TFAM: variants seen among roughly 807,000 people sequenced by gnomAD.
The protein encoded by TFAM is transcription factor A, mitochondrial.
Under a neutral mutation model 30.6 loss-of-function variants are expected in TFAM, and 13 were observed. That is an observed-to-expected ratio of 0.42 (90% CI 0.28 to 0.67). The LOEUF is 0.67. Among genes scored for constraint, TFAM ranks in the 30% least tolerant of loss-of-function variants. The pLI, the probability that TFAM is intolerant of heterozygous loss-of-function variation, is 0.21. For synonymous variants in TFAM, 106 were observed against 94.8 expected (o/e 1.12, Z -0.69); for missense variants, 231 against 293.7 (o/e 0.79, Z 1.56).
Position 58,385,446 on chromosome 10 carries a change from C to T in TFAM, c.-102C>T, listed in dbSNP as rs1407932368. 9.3e-6 allele frequency: 8 copies of T among 856,946 alleles called. No homozygotes were observed. Among genetic ancestry groups the T allele is most frequent in the Non-Finnish European group, 1.5e-5 (8 of 525,040 alleles). 53.1% of individuals were successfully genotyped at this position (856,946 alleles called of 1,614,324 possible). The stretch of plus-strand genomic sequence containing the variant: ...CTAGTGGCGGGCATGATAACACACG[C>T]CGGAGGGTCGCACGCGGGTTCCAGT... On this transcript the variant is annotated 5_prime_UTR_variant, in exon 1 of 7. Coordinates refer to ENST00000487519, the MANE Select transcript of TFAM (RefSeq NM_003201.3).
chr10:58,389,090 C>T (rs1016156421), intron 4 of TFAM, among the ~76,000 whole-genome samples: 2 of 152,180 alleles, frequency 1.3e-5, no homozygotes, highest in African/African-American at 2.4e-5. Flanking sequence ...ATGGAAACTA[C>T]AGGAACAGAG....
At position 58,395,101 on chromosome 10, in the gene TFAM, A is replaced by G; in HGVS notation, c.*27A>G. ...AGTAGAAGATTGAGATGTGTTCACA[A>G]TGGATAGGCACAGGAAACCAGTTAG... On this transcript the variant is annotated 3_prime_UTR_variant, in exon 7 of 7. Coordinates refer to ENST00000487519, the MANE Select transcript of TFAM (RefSeq NM_003201.3). 2 of 1,611,516 alleles carry G rather than the reference A, an allele frequency of 1.2e-6. No homozygotes were observed. The highest frequency in any genetic ancestry group is 8.5e-7 in the Non-Finnish European group (1 of 1,178,200).
intron 1 of TFAM, 142 bp downstream of exon 1, chr10:58,385,790 A>G (rs1202216087): frequency 1.4e-6 from 1 of 724,922 alleles, no homozygotes; most frequent in Non-Finnish European, 2.4e-6. Context: ...GACCTTGCCA[A>G]GGGGACGGTG....
intron 5 of TFAM, among the ~76,000 whole-genome samples, chr10:58,391,271 T>C (rs948628054): frequency 6.6e-6 from 1 of 152,150 alleles, no homozygotes; most frequent in Admixed American, 6.5e-5. Flanking sequence ...GTTATACCCA[T>C]AGGGATGTGT....
intron 2 of TFAM, among the ~76,000 whole-genome samples, chr10:58,387,493 C>G (rs187325978): frequency 6.6e-6 from 1 of 152,092 alleles, no homozygotes; most frequent in Admixed American, 6.5e-5. Flanking sequence ...TATTGAAATA[C>G]GAGGCTGTGT....
intron 5 of TFAM, among the ~76,000 whole-genome samples, chr10:58,392,682 C>T (rs1357268846): frequency 6.6e-6 from 1 of 150,680 alleles, no homozygotes; most frequent in East Asian, 1.9e-4. Flanking sequence ...GAAATTTAAC[C>T]TCTTTTTTTT....
At chr10:58,388,908 A>C in intron 4 of TFAM, 89 bp downstream of exon 4, 1 of 1,172,138 alleles carries the variant, frequency 8.5e-7, no homozygotes, top group East Asian at 2.4e-5. Context: ...TAATAGGCAA[A>C]TAAAATATGG....
intron 5 of TFAM, among the ~76,000 whole-genome samples, chr10:58,391,583 A>C (rs1327649593): frequency 6.6e-6 from 1 of 151,922 alleles, no homozygotes; most frequent in Non-Finnish European, 1.5e-5. Context: ...TTTTTTTTCA[A>C]CTTTAATCAT....
At position 58,395,464 on chromosome 10, in the gene TFAM, C is replaced by T. The variant is rs1024861531; in HGVS notation, c.*390C>T. On this transcript the variant is annotated 3_prime_UTR_variant, in exon 7 of 7. Coordinates refer to ENST00000487519, the MANE Select transcript of TFAM (RefSeq NM_003201.3). ...AAATTGTTACAAATTGTAGAAGCCA[C>T]GGTGTTCTGTGATATAAGTGTGTGT... 6.8e-5 allele frequency: 20 copies of T among 292,068 alleles called. No homozygotes were observed. The highest frequency in any genetic ancestry group is 1.0e-3 in the Middle Eastern group (1 of 966). 18.1% of individuals were successfully genotyped at this position (292,068 alleles called of 1,614,324 possible). A position where few individuals can be genotyped will look rare whatever the true frequency, so the allele number is the denominator to read the frequency against.
Position 58,394,925 on chromosome 10 carries a change from C to T in TFAM, c.595-3C>T. The T allele has an allele frequency of 6.2e-7, 1 of 1,611,086 alleles. No individual in the cohort carries two copies. The highest frequency in any genetic ancestry group is 8.5e-7 in the Non-Finnish European group (1 of 1,178,282). On this transcript the variant is annotated splice_polypyrimidine_tract_variant and splice_region_variant and intron_variant, in intron 6 of 6. Transcript: ENST00000487519. ...TCATTTTAACAGTTATGCTTTTTCT[C>T]AGTTATATATTCAGCATGCTAAAGA...
intron 4 of TFAM, 129 bp from the exon 5 acceptor site, chr10:58,390,634 CTA>C: frequency 1.4e-6 from 1 of 724,602 alleles, no homozygotes; most frequent in South Asian, 1.7e-5. Flanking sequence ...AATAATCACA[CTA>C]TATAAGAATC....
Position 58,389,497 on chromosome 10 carries a change from A to G in TFAM, c.441+678A>G, listed in dbSNP as rs115052032. Among the ~76,000 whole-genome samples the G allele has an allele frequency of 5.5e-3, 833 of 152,294 alleles. 6 individuals are homozygous for G. The highest frequency in any genetic ancestry group is 0.019 in the African/African-American group (791 of 41,554). ...ACAAATGATCATCAGAGTTAAAACTATTTCTTTGAAAGACTAGATTACAGC... is the reference window on the plus strand; with the variant it reads ...ACAAATGATCATCAGAGTTAAAACTGTTTCTTTGAAAGACTAGATTACAGC... On this transcript the variant is annotated intron_variant, in intron 4 of 6. Coordinates refer to ENST00000487519, the MANE Select transcript of TFAM (RefSeq NM_003201.3).
In TFAM at chr10:58,395,838, C is replaced by T. The variant is rs995997703; in HGVS notation, c.*764C>T. The stretch of plus-strand genomic sequence containing the variant: ...TATTTTTTTCTGAATTATTTTCTCT[C>T]GTGAGTATATTGATCCAGAAAGAAA... On this transcript the variant is annotated 3_prime_UTR_variant, in exon 7 of 7. Transcript: ENST00000487519. The T allele has an allele frequency of 4.1e-5, 10 of 244,052 alleles. No homozygotes were observed. Among genetic ancestry groups the T allele is most frequent in the South Asian group, 1.6e-4 (1 of 6,126 alleles). The allele number at this position is 244,052 out of a possible 1,614,324, so 15.1% of individuals were successfully genotyped here.
chr10:58,393,002 C>T lies in TFAM; in HGVS notation c.538-1356C>T, dbSNP rs754343912. On this transcript the variant is annotated intron_variant, in intron 5 of 6. Coordinates refer to ENST00000487519, the MANE Select transcript of TFAM (RefSeq NM_003201.3). ...CAACCTCTCTTTATTTTTTTTGAGT[C>T]GGAGTCTCACTCTGTGGCCCAGGCT... Among the ~76,000 whole-genome samples, 88 of 151,032 alleles carry T rather than the reference C, an allele frequency of 5.8e-4. 2 individuals carry two copies. Among genetic ancestry groups the T allele is most frequent in the Non-Finnish European group, 2.7e-4 (18 of 67,778 alleles).
In TFAM at chr10:58,398,428, G is replaced by T. The variant is rs1192446868; in HGVS notation, c.*3354G>T. Reference sequence around the variant, plus strand: ...TAATTTGATGAGGGGAAGGAGGGTTGTGTATTTATTTTACTTTCTGATGTT... The same window carrying T: ...TAATTTGATGAGGGGAAGGAGGGTTTTGTATTTATTTTACTTTCTGATGTT... On this transcript the variant is annotated 3_prime_UTR_variant, in exon 7 of 7. Coordinates refer to ENST00000487519, the MANE Select transcript of TFAM (RefSeq NM_003201.3). 6.6e-6 allele frequency: 1 copy of T among 152,162 alleles called. No individual in the cohort carries two copies. Among genetic ancestry groups the T allele is most frequent in the Non-Finnish European group, 1.5e-5 (1 of 68,028 alleles). 9.4% of individuals were successfully genotyped at this position (152,162 alleles called of 1,614,324 possible). A position where few individuals can be genotyped will look rare whatever the true frequency, so the allele number is the denominator to read the frequency against.
At chr10:58,389,357 C>T (rs749498404) in intron 4 of TFAM, among the ~76,000 whole-genome samples, 2 of 151,894 alleles carry the variant, frequency 1.3e-5, no homozygotes, top group Non-Finnish European at 2.9e-5. Flanking sequence ...TTTGTAGTTC[C>T]CAGCTTAATG....
Position 58,395,336 on chromosome 10 carries a change from G to A in TFAM, c.*262G>A, listed in dbSNP as rs1473901176. 1.8e-5 allele frequency: 8 copies of A among 443,048 alleles called. No individual in the cohort carries two copies. Among genetic ancestry groups the A allele is most frequent in the Non-Finnish European group, 3.3e-5 (8 of 244,126 alleles). The allele number at this position is 443,048 out of a possible 1,614,324, so 27.4% of individuals were successfully genotyped here. On this transcript the variant is annotated 3_prime_UTR_variant, in exon 7 of 7. Transcript: ENST00000487519. ...AGCAAATGTGAATCATTTTACCTTT[G>A]ACAAAGGTAAATCAGACTATGAAGT...
chr10:58,391,418 A>G (rs1840596284), intron 5 of TFAM, among the ~76,000 whole-genome samples: 1 of 152,090 alleles, frequency 6.6e-6, no homozygotes, highest in South Asian at 2.1e-4. Context: ...GTATCATATG[A>G]CATAGTAAGA....
rs764539268 is a variant in TFAM at position 58,388,655 on chromosome 10, G to T, written c.292-15G>T. 2.5e-6 allele frequency: 4 copies of T among 1,612,742 alleles called. No homozygotes were observed. Among genetic ancestry groups the T allele is most frequent in the Non-Finnish European group, 3.4e-6 (4 of 1,179,666 alleles). ...AGCAATGGTTTGTTGACTTACTTGG[G>T]TTTTTTATTTATAGATATATCAAGA... is the stretch of plus-strand genomic sequence containing the variant. On this transcript the variant is annotated splice_polypyrimidine_tract_variant and intron_variant, in intron 3 of 6. Transcript: ENST00000487519.
Sources: allele counts gnomAD v4.1 joint callset (sites outside exome capture counted in the v4.1 genomes callset), GRCh38; gene constraint gnomAD v4.1.1; transcripts MANE v1.5; gene names NCBI Gene and HGNC (gene_info 2026-07-23, HGNC 2026-07-21).